Variants in GTF2A1L observed in about 807,000 individuals in gnomAD.
GTF2A1L encodes the protein general transcription factor IIA subunit 1 like.
In GTF2A1L, 48 loss-of-function variants were observed where a neutral mutation model predicts 49.7. That is an observed-to-expected ratio of 0.97 (90% CI 0.77 to 1.23). The LOEUF (loss-of-function observed/expected upper bound fraction) is 1.23, where lower values mean the gene tolerates loss of function less well. Among genes scored for constraint, GTF2A1L ranks in the 50% most tolerant of loss-of-function variants. GTF2A1L has a pLI of 0.00. For missense variants in GTF2A1L, 736 were observed against 564.8 expected (o/e 1.30, Z -3.07); for synonymous variants, 246 against 193.5 (o/e 1.27, Z -2.25).
intron 6 of GTF2A1L, among the ~76,000 whole-genome samples, chr2:48,657,002 A>G (rs899388443): frequency 6.6e-6 from 1 of 152,176 alleles, no homozygotes; most frequent in Non-Finnish European, 1.5e-5. Flanking sequence ...TTGACGTTTT[A>G]TGTAACGGTT....
Position 48,674,788 on chromosome 2 carries a change from A to G in GTF2A1L, c.1329+3108A>G, listed in dbSNP as rs75074284. Among the ~76,000 whole-genome samples the G allele has an allele frequency of 2.1e-4, 32 of 152,226 alleles. 1 individual carries two copies. Among genetic ancestry groups the G allele is most frequent in the African/African-American group, 7.2e-4 (30 of 41,542 alleles). ...TTGTATTTTTGCGGTGTTTTATCAT[A>G]TATTATCTTTTGTTTCTTATAATAA... On this transcript the variant is annotated intron_variant, in intron 8 of 8. Coordinates refer to ENST00000403751, the MANE Select transcript of GTF2A1L (RefSeq NM_006872.5).
intron 2 of GTF2A1L, 58 bp from the exon 3 acceptor site, chr2:48,621,109 A>G: frequency 6.5e-7 from 1 of 1,548,128 alleles, no homozygotes; most frequent in East Asian, 2.4e-5. Context: ...AAAAAAGAGA[A>G]GTATCATTAT....
At chr2:48,659,057 CT>C (rs1678341713) in intron 6 of GTF2A1L, among the ~76,000 whole-genome samples, 2 of 152,210 alleles carry the variant, frequency 1.3e-5, no homozygotes, top group African/African-American at 4.8e-5. Context: ...GAGAAGTCTG[CT>C]GTTAATCTGA....
intron 6 of GTF2A1L, among the ~76,000 whole-genome samples, chr2:48,665,850 A>G (rs1457118588): frequency 6.6e-6 from 1 of 152,130 alleles, no homozygotes; most frequent in Non-Finnish European, 1.5e-5. Flanking sequence ...GGGTTTCCAT[A>G]TCTTTACTGA....
intron 6 of GTF2A1L, among the ~76,000 whole-genome samples, chr2:48,661,090 CAT>C (rs1184721177): frequency 6.6e-6 from 1 of 151,248 alleles, no homozygotes; most frequent in East Asian, 1.9e-4. Flanking sequence ...TTTTCTCTAA[CAT>C]TATTATTTAT....
At chr2:48,660,894 G>C (rs1678456520) in intron 6 of GTF2A1L, among the ~76,000 whole-genome samples, 1 of 152,122 alleles carries the variant, frequency 6.6e-6, no homozygotes, top group South Asian at 2.1e-4. Context: ...ACCTGCCTCG[G>C]CCTCTCAGAG....
intron 3 of GTF2A1L, among the ~76,000 whole-genome samples, chr2:48,628,307 G>C (rs926902434): frequency 1.4e-5 from 2 of 144,046 alleles, no homozygotes; most frequent in Non-Finnish European, 3.1e-5. Flanking sequence ...CCAAACTGTT[G>C]TCCACAGTGG....
intron 3 of GTF2A1L, among the ~76,000 whole-genome samples, chr2:48,641,571 A>T (rs1302212552): frequency 6.6e-6 from 1 of 152,188 alleles, no homozygotes; most frequent in African/African-American, 2.4e-5. Flanking sequence ...ATGACATTCT[A>T]ACAGCTATAT....
intron 6 of GTF2A1L, among the ~76,000 whole-genome samples, chr2:48,649,222 T>G (rs772718620): frequency 1.4e-4 from 21 of 152,220 alleles, no homozygotes; most frequent in Non-Finnish European, 3.1e-4. Context: ...CTTAGTATAA[T>G]GTTTTCAAGG....
At chr2:48,663,477 A>T (rs1678636909) in intron 6 of GTF2A1L, among the ~76,000 whole-genome samples, 1 of 152,120 alleles carries the variant, frequency 6.6e-6, no homozygotes, top group African/African-American at 2.4e-5. Context: ...ACTGAAACTT[A>T]ATCCTTCAAA....
chr2:48,670,556 G>T (rs1478835689), intron 7 of GTF2A1L, among the ~76,000 whole-genome samples: 2 of 152,124 alleles, frequency 1.3e-5, no homozygotes, highest in African/African-American at 2.4e-5. Context: ...GAAACATATA[G>T]TATCTGCTCT....
At chr2:48,642,169 A>G (rs1016222829) in intron 3 of GTF2A1L, among the ~76,000 whole-genome samples, 23 of 152,218 alleles carry the variant, frequency 1.5e-4, no homozygotes, top group African/African-American at 2.7e-4. Context: ...ATAGTTGATT[A>G]CAATGAGATA....
Position 48,630,019 on chromosome 2 carries a change from A to T in GTF2A1L, c.247+8729A>T, listed in dbSNP as rs1284778559. Among the ~76,000 whole-genome samples, 3 of 143,716 alleles carry T rather than the reference A, an allele frequency of 2.1e-5. 1 individual carries two copies. The highest frequency in any genetic ancestry group is 4.7e-5 in the Non-Finnish European group (3 of 63,772). 94.3% of individuals were successfully genotyped at this position (143,716 alleles called of 152,430 possible). On this transcript the variant is annotated intron_variant, in intron 3 of 8. Transcript: ENST00000403751. ...TTGCTATGCTGTTTGGTTACTATAG[A>T]CTTATAGTATGGGTGAAGTTCTGTA...
rs149024247 is a variant in GTF2A1L, at chr2:48,635,691, C to T, written c.248-6711C>T. 6.7e-3 allele frequency among the ~76,000 whole-genome samples: 1,026 copies of T among 152,088 alleles called. 7 individuals carry two copies. Among genetic ancestry groups the T allele is most frequent in the Middle Eastern group, 0.031 (9 of 294 alleles). On this transcript the variant is annotated intron_variant, in intron 3 of 8. Coordinates refer to ENST00000403751, the MANE Select transcript of GTF2A1L (RefSeq NM_006872.5). ...GTGGTGGAGGCTGTGGAGGCTACTA[C>T]CCTGCTCCAGAGCAGGTGCTTCAGT...
At chr2:48,620,828 C>CTT (rs1675950003) in intron 1 of GTF2A1L, 23 bp from the exon 2 acceptor site, 1 of 1,148,996 alleles carries the variant, frequency 8.7e-7, no homozygotes, top group East Asian at 3.1e-5. Flanking sequence ...TAAAATGAAA[C>CTT]TTTAACAATT....
At chr2:48,622,791 G>A (rs924897905) in intron 3 of GTF2A1L, among the ~76,000 whole-genome samples, 18 of 148,468 alleles carry the variant, frequency 1.2e-4, no homozygotes, top group African/African-American at 3.7e-4. Context: ...CTGAGATCGC[G>A]CCACTGCATT....
chr2:48,661,733 A>G lies in GTF2A1L; in HGVS notation c.979-7989A>G, dbSNP rs542217077. On this transcript the variant is annotated intron_variant, in intron 6 of 8. Transcript: ENST00000403751. ...GTGGTAACATAGCCACTGCAGCTCT[A>G]TTGGTTATCATTTGCATGGAATTTA... Among the ~76,000 whole-genome samples the G allele has an allele frequency of 4.6e-5, 7 of 152,036 alleles. No homozygotes were observed. The South Asian group carries it at 1.2e-3, about 27-fold the overall frequency.
chr2:48,623,275 C>T (rs1346248681), intron 3 of GTF2A1L, among the ~76,000 whole-genome samples: 2 of 152,086 alleles, frequency 1.3e-5, no homozygotes, highest in Non-Finnish European at 2.9e-5. Flanking sequence ...ATTTTTTTAT[C>T]TCTTTTGATA....
chr2:48,662,186 T>C (rs1269311343), intron 6 of GTF2A1L, among the ~76,000 whole-genome samples: 1 of 152,242 alleles, frequency 6.6e-6, no homozygotes, highest in African/African-American at 2.4e-5. Flanking sequence ...CCCTACTTTG[T>C]CTTATTGTTG....
Sources: allele counts gnomAD v4.1 joint callset (sites outside exome capture counted in the v4.1 genomes callset), GRCh38; gene constraint gnomAD v4.1.1; transcripts MANE v1.5; gene names NCBI Gene and HGNC (gene_info 2026-07-23, HGNC 2026-07-21).